FRAS1: variants seen among roughly 807,000 people sequenced by gnomAD.
FRAS1 encodes Fraser extracellular matrix complex subunit 1.
A neutral mutation model predicts 435.2 loss-of-function variants in FRAS1; 290 were observed. That is an observed-to-expected ratio of 0.67 (90% confidence interval 0.61 to 0.73). The LOEUF (loss-of-function observed/expected upper bound fraction) is 0.73, where lower values mean the gene tolerates loss of function less well. FRAS1 is among the 30% of genes least tolerant of loss of function. The probability of loss-of-function intolerance (pLI) is 0.00; values close to 1 mark genes in which losing one functional copy is unlikely to be tolerated. For synonymous variants in FRAS1, 1,800 were observed against 1,851.0 expected, an observed-to-expected ratio of 0.97 and a Z score of 0.71; for missense variants, 4,860 against 5,001.5, an observed-to-expected ratio of 0.97 and a Z score of 0.85.
chr4:78,369,798 A>G (rs188281616), intron 22 of FRAS1, 40 bp from the exon 23 acceptor site: 46 of 1,580,572 alleles, frequency 2.9e-5, no homozygotes, highest in Admixed American at 3.5e-5. Context: ...AGTATTTGCA[A>G]TTGTAATCAT....
intron 13 of FRAS1, among the ~76,000 whole-genome samples, chr4:78,285,431 A>G (rs1727540333): frequency 2.2e-5 from 2 of 90,256 alleles, no homozygotes; most frequent in African/African-American, 6.5e-5. Context: ...CTGCTTCCAT[A>G]TTCTTTTTTT....
At chr4:78,136,195 T>C (rs1313390479) in intron 2 of FRAS1, among the ~76,000 whole-genome samples, 2 of 152,034 alleles carry the variant, frequency 1.3e-5, no homozygotes, top group Non-Finnish European at 2.9e-5. Flanking sequence ...AAGAGTGAAG[T>C]CACACAAAAA....
chr4:78,130,925 G>A (rs1373244394), intron 2 of FRAS1, among the ~76,000 whole-genome samples: 3 of 152,156 alleles, frequency 2.0e-5, no homozygotes, highest in Non-Finnish European at 2.9e-5. Flanking sequence ...TTGAGAAAGA[G>A]TTTGCCTGAT....
intron 29 of FRAS1, among the ~76,000 whole-genome samples, chr4:78,388,444 T>A (rs1732314567): frequency 6.6e-6 from 1 of 151,882 alleles, no homozygotes; most frequent in African/African-American, 2.4e-5. Flanking sequence ...TCAACTAAAG[T>A]AGGATGAGCA....
intron 2 of FRAS1, among the ~76,000 whole-genome samples, chr4:78,096,097 T>C (rs1741790527): frequency 6.6e-6 from 1 of 152,182 alleles, no homozygotes; most frequent in Admixed American, 6.5e-5. Context: ...AATACAGCCA[T>C]TCCAAATGGG....
rs1293835592 is a variant in FRAS1 at position 78,445,854 on chromosome 4, T to C, written c.5856+142T>C. The C allele has an allele frequency of 8.6e-6, 12 of 1,391,722 alleles. No homozygotes were observed. In the Admixed American group the frequency reaches 3.3e-4, roughly 39 times the overall value. The allele number at this position is 1,391,722 out of a possible 1,614,324, so 86.2% of individuals were successfully genotyped here. A position where few individuals can be genotyped will look rare whatever the true frequency, so the allele number is the denominator to read the frequency against. ...GAAGGTCGTTCTTAAAATATAGCCT[T>C]CAGGAATCTTGTAGAATTAAGGTTG... On this transcript the variant is annotated intron_variant, in intron 42 of 73. Coordinates refer to ENST00000512123, the MANE Select transcript of FRAS1 (RefSeq NM_025074.7).
chr4:78,095,828 A>T (rs1481369175), intron 2 of FRAS1, among the ~76,000 whole-genome samples: 1 of 152,192 alleles, frequency 6.6e-6, no homozygotes. Flanking sequence ...GAGCTAAAAG[A>T]TGAGATTTGG....
At position 78,527,829 on chromosome 4, in the gene FRAS1, A is replaced by G. The variant is rs1253956445; in HGVS notation, c.10925+1172A>G. ...CAGGTTTTATTTGCTTTATTTCAGG[A>G]TGCTTGTATGCTGGTGGGAATAATC... On this transcript the variant is annotated intron_variant, in intron 70 of 73. Coordinates refer to ENST00000512123, the MANE Select transcript of FRAS1 (RefSeq NM_025074.7). Among the ~76,000 whole-genome samples the G allele has an allele frequency of 2.6e-5, 4 of 152,180 alleles. No individual in the cohort carries two copies. In the East Asian group the frequency reaches 5.8e-4, roughly 22 times the overall value.
At chr4:78,372,382 C>T (rs560568104) in intron 23 of FRAS1, among the ~76,000 whole-genome samples, 38 of 152,246 alleles carry the variant, frequency 2.5e-4, no homozygotes, top group South Asian at 6.2e-4. Context: ...CCACTCCCTG[C>T]GGCAGGTTTT....
intron 9 of FRAS1, among the ~76,000 whole-genome samples, chr4:78,276,539 G>T (rs1240319685): frequency 6.6e-6 from 1 of 152,200 alleles, no homozygotes; most frequent in Non-Finnish European, 1.5e-5. Flanking sequence ...TAACAGTCAG[G>T]ACCTTCAGCT....
intron 63 of FRAS1, among the ~76,000 whole-genome samples, chr4:78,510,109 C>G (rs1578365640): frequency 6.6e-6 from 1 of 152,148 alleles, no homozygotes. Context: ...ATAGTCTTCT[C>G]TATTATTAAA....
intron 2 of FRAS1, among the ~76,000 whole-genome samples, chr4:78,102,011 C>T (rs9307337): frequency 0.22 from 33,053 of 152,080 alleles, 3,952 homozygotes; most frequent in Admixed American, 0.29. Flanking sequence ...CTGAAGAGGC[C>T]CTACCAAGAT....
chr4:78,472,919 C>G lies in FRAS1; in HGVS notation c.7523-519C>G, dbSNP rs1719751084. 1.3e-5 allele frequency among the ~76,000 whole-genome samples: 2 copies of G among 152,244 alleles called. 1 individual carries two copies. The highest frequency in any genetic ancestry group is 4.1e-4 in the South Asian group (2 of 4,820). On this transcript the variant is annotated intron_variant, in intron 52 of 73. Transcript: ENST00000512123. Reference sequence around the variant, plus strand: ...TCAAAATTCATGCTCCATGAATTTTCTTTTTACTCTCTGTCCTCAATTGTA... The same window carrying G: ...TCAAAATTCATGCTCCATGAATTTTGTTTTTACTCTCTGTCCTCAATTGTA...
intron 2 of FRAS1, among the ~76,000 whole-genome samples, chr4:78,175,641 A>T (rs1168340603): frequency 6.6e-6 from 1 of 152,188 alleles, no homozygotes; most frequent in Non-Finnish European, 1.5e-5. Flanking sequence ...AAGGGAAAGG[A>T]AGAAGAGCAT....
chr4:78,182,533 G>A (rs17003025), intron 2 of FRAS1, among the ~76,000 whole-genome samples: 7,891 of 152,218 alleles, frequency 0.052, 485 homozygotes, highest in African/African-American at 0.15. Context: ...GTGACAGTGA[G>A]TTTGATTTGG....
Position 78,315,607 on chromosome 4 carries a change from C to CTG in FRAS1, c.1695_1696dup (p.Asp566ValfsTer132). 1 of 1,611,710 alleles carries CTG rather than the reference C, an allele frequency of 6.2e-7. No individual in the cohort carries two copies. Among genetic ancestry groups the CTG allele is most frequent in the Non-Finnish European group, 8.5e-7 (1 of 1,178,790 alleles). The stretch of plus-strand genomic sequence containing the variant: ...GCCTCCCCTTAGCTTGTGACCAATC[C>CTG]TGTGACAGTTGTGGCCCCAGTAGCC... On this transcript the variant is annotated frameshift_variant, in exon 16 of 74. Coordinates refer to ENST00000512123, the MANE Select transcript of FRAS1 (RefSeq NM_025074.7). LOFTEE classifies it high-confidence loss of function.
chr4:78,165,621 T>C (rs1230876163), intron 2 of FRAS1, among the ~76,000 whole-genome samples: 1 of 152,210 alleles, frequency 6.6e-6, no homozygotes, highest in Non-Finnish European at 1.5e-5. Context: ...GAGGCATCTA[T>C]GGGTCATTTG....
chr4:78,523,395 T>C (rs985948602), intron 69 of FRAS1, among the ~76,000 whole-genome samples: 27 of 152,140 alleles, frequency 1.8e-4, no homozygotes, highest in African/African-American at 6.5e-4. Flanking sequence ...ATGTGTCGTT[T>C]ACAAGATTTA....
intron 33 of FRAS1, 83 bp from the exon 34 acceptor site, chr4:78,421,780 A>G (rs1733797087): frequency 4.1e-6 from 6 of 1,474,474 alleles, no homozygotes; most frequent in East Asian, 4.6e-5. Flanking sequence ...CCCACCAACA[A>G]GAAGAGCAGG....
Sources: gnomAD v4.1 joint callset for allele counts (sites outside exome capture counted in the v4.1 genomes callset) on GRCh38, gnomAD v4.1.1 for gene constraint, MANE v1.5 for transcripts, NCBI Gene and HGNC (gene_info 2026-07-23, HGNC 2026-07-21) for gene names.